The following TRIM72 variants were observed in gnomAD, a reference collection of about 807,000 sequenced individuals.
TRIM72 encodes tripartite motif-containing protein 72.
A neutral mutation model predicts 31.6 loss-of-function variants in TRIM72; 33 were observed. That is an observed-to-expected ratio of 1.04 (90% CI 0.79 to 1.40). The LOEUF (loss-of-function observed/expected upper bound fraction) is 1.40. Among genes scored for constraint, TRIM72 ranks in the 40% most tolerant of loss-of-function variants. The pLI, the probability that TRIM72 is intolerant of heterozygous loss-of-function variation, is 0.00. For missense variants in TRIM72, 666 were observed against 682.7 expected (o/e 0.98, Z 0.27); for synonymous variants, 301 against 314.4 (o/e 0.96, Z 0.45).
intron 4 of TRIM72, 86 bp from the exon 5 acceptor site, chr16:31,220,810 C>A (rs2079530134): frequency 6.5e-7 from 1 of 1,535,094 alleles, no homozygotes; most frequent in South Asian, 1.1e-5. Context: ...TTGCACTCAG[C>A]ATTCCTAGTT....
intron 6 of TRIM72, 89 bp downstream of exon 6, chr16:31,223,034 T>A: frequency 1.0e-6 from 1 of 961,508 alleles, no homozygotes; most frequent in African/African-American, 1.7e-5. Flanking sequence ...CAGTCCCAAC[T>A]GGGGAGGCCA....
At position 31,230,645 on chromosome 16, in the gene TRIM72, G is replaced by C. The variant is rs565348662; in HGVS notation, c.*5890G>C. 77 of 146,348 alleles carry C rather than the reference G, an allele frequency of 5.3e-4. 1 individual carries two copies. The highest frequency in any genetic ancestry group is 1.9e-3 in the African/African-American group (76 of 39,966). The allele number at this position is 146,348 out of a possible 1,614,324, so 9.1% of individuals were successfully genotyped here. ...GGAGGCTGAGGCAGGAGAATGGCCT[G>C]AACCCGGGAGGCGGAGCTTGCAGTG... On this transcript the variant is annotated 3_prime_UTR_variant, in exon 7 of 7. Coordinates refer to ENST00000322122, the MANE Select transcript of TRIM72 (RefSeq NM_001008274.4).
intron 4 of TRIM72, 140 bp from the exon 5 acceptor site, chr16:31,220,756 C>G: frequency 2.7e-6 from 3 of 1,128,174 alleles, no homozygotes; most frequent in Non-Finnish European, 4.0e-6. Flanking sequence ...CAGGCATGAG[C>G]CACCTCGTCT....
rs1193434653 is a variant in TRIM72, at chr16:31,224,770, A to T, written c.*15A>T. The T allele has an allele frequency of 1.9e-5, 28 of 1,454,820 alleles. No individual in the cohort carries two copies. The highest frequency in any genetic ancestry group is 2.3e-5 in the Non-Finnish European group (26 of 1,107,348). The allele number at this position is 1,454,820 out of a possible 1,614,324, so 90.1% of individuals were successfully genotyped here. On this transcript the variant is annotated 3_prime_UTR_variant, in exon 7 of 7. Coordinates refer to ENST00000322122, the MANE Select transcript of TRIM72 (RefSeq NM_001008274.4). ...CCGAGGCCTGAGCCGCCGGACGGGT[A>T]GTGGAGGGGCGCGGGGGCCTGGGTT...
At chr16:31,220,375 T>G (rs2079528006) in intron 4 of TRIM72, among the ~76,000 whole-genome samples, 1 of 151,528 alleles carries the variant, frequency 6.6e-6, no homozygotes. Context: ...AATCAGAGTT[T>G]CTTGGAGGCA....
chr16:31,226,026 A>G lies in TRIM72; in HGVS notation c.*1271A>G, dbSNP rs2079554333. 1 of 148,374 alleles carries G rather than the reference A, an allele frequency of 6.7e-6. No homozygotes were observed. The highest frequency in any genetic ancestry group is 1.5e-5 in the Non-Finnish European group (1 of 67,026). The allele number at this position is 148,374 out of a possible 1,614,324, so 9.2% of individuals were successfully genotyped here. A position where few individuals can be genotyped will look rare whatever the true frequency, so the allele number is the denominator to read the frequency against. Reference sequence around the variant, plus strand: ...GTTACATTGCCCAGGCTGATCTTGAACTCTTGGCCTCAGGTGATCCTCCTG... The same window carrying G: ...GTTACATTGCCCAGGCTGATCTTGAGCTCTTGGCCTCAGGTGATCCTCCTG... On this transcript the variant is annotated 3_prime_UTR_variant, in exon 7 of 7. Transcript: ENST00000322122.
intron 2 of TRIM72, chr16:31,217,225 G>A: frequency 3.3e-6 from 2 of 603,302 alleles, no homozygotes; most frequent in Non-Finnish European, 5.7e-6. Context: ...TCCCCTGGGA[G>A]AGTGGGGGCG....
Position 31,225,209 on chromosome 16 carries a change from G to C in TRIM72, c.*454G>C, listed in dbSNP as rs2079551442. ...CTGTCTCAAAAAAAAAAAAAAGTGT[G>C]GGGGTTGGCATGGCCTGGGGACTGC... On this transcript the variant is annotated 3_prime_UTR_variant, in exon 7 of 7. Transcript: ENST00000322122. The C allele has an allele frequency of 6.5e-6, 1 of 152,798 alleles. No homozygotes were observed. 9.5% of individuals were successfully genotyped at this position (152,798 alleles called of 1,614,324 possible). A position where few individuals can be genotyped will look rare whatever the true frequency, so the allele number is the denominator to read the frequency against.
In TRIM72 at chr16:31,215,165, T is replaced by C. The variant is rs771663933; in HGVS notation, c.390+37T>C. 13 of 1,427,096 alleles carry C rather than the reference T, an allele frequency of 9.1e-6. No homozygotes were observed. 88.4% of individuals were successfully genotyped at this position (1,427,096 alleles called of 1,614,324 possible). ...GCGCGCATCGTGGTCGGAGGGGCTG[T>C]TCGGTGGCACGGGGCCGATGGGGAG... On this transcript the variant is annotated intron_variant, in intron 2 of 6. Transcript: ENST00000322122. This position sits in a 1 kb window ranked among gnomAD's most constrained non-coding sequence, Gnocchi z 6.3.
chr16:31,223,294 C>T (rs1161382154), intron 6 of TRIM72, among the ~76,000 whole-genome samples: 1 of 152,172 alleles, frequency 6.6e-6, no homozygotes, highest in Non-Finnish European at 1.5e-5. Context: ...GACTGAGGCT[C>T]TGCAGAGCTC....
chr16:31,224,585 G>A lies in TRIM72; in HGVS notation c.1264G>A (p.Gly422Ser), dbSNP rs777875525. 3.2e-6 allele frequency: 5 copies of A among 1,554,282 alleles called. No individual in the cohort carries two copies. In the South Asian group the frequency reaches 5.8e-5, roughly 18 times the overall value. The change falls in exon 7 of 7, where the codon GGC (glycine) becomes AGC (serine). Residue 422 changes from glycine (G) to serine (S), a missense_variant. By Grantham distance (56) the Gly-to-Ser change is moderately conservative (BLOSUM62 0). Transcript: ENST00000322122. ...RIGLYLSFGD[G>S]VLSFYDASDA... Reference sequence around the variant, plus strand: ...TGGCCTTTACCTGAGCTTCGGCGACGGCGTCCTCTCCTTCTACGATGCCAG... The same window carrying A: ...TGGCCTTTACCTGAGCTTCGGCGACAGCGTCCTCTCCTTCTACGATGCCAG...
Position 31,227,112 on chromosome 16 carries a change from T to TTA in TRIM72, c.*2359_*2360dup, listed in dbSNP as rs1234755464. 6.6e-6 allele frequency: 1 copy of TTA among 152,150 alleles called. No homozygotes were observed. Among genetic ancestry groups the TTA allele is most frequent in the Non-Finnish European group, 1.5e-5 (1 of 68,014 alleles). 9.4% of individuals were successfully genotyped at this position (152,150 alleles called of 1,614,324 possible). ...AAAATAAAACAATATAGCTAAGGGA[T>TTA]TATTTGGTTGTAAAATCCAACACCA... On this transcript the variant is annotated 3_prime_UTR_variant, in exon 7 of 7. Transcript: ENST00000322122.
rs1874120130 is a variant in TRIM72, at chr16:31,225,963, T to A, written c.*1208T>A. On this transcript the variant is annotated 3_prime_UTR_variant, in exon 7 of 7. Transcript: ENST00000322122. ...TGCACCTGGCTGAAAATGCTCATTT[T>A]TTTTTTTTTAATTTAGTTTTTGTAG... 6.6e-6 allele frequency: 1 copy of A among 151,996 alleles called. No homozygotes were observed. Among genetic ancestry groups the A allele is most frequent in the Non-Finnish European group, 1.5e-5 (1 of 68,028 alleles). 9.4% of individuals were successfully genotyped at this position (151,996 alleles called of 1,614,324 possible).
rs1899693520 is a variant in TRIM72, at chr16:31,228,991, G to C, written c.*4236G>C. The stretch of plus-strand genomic sequence containing the variant: ...TCTTGACCTTCTAGGCCTCCAGGAA[G>C]AATCAGTTACTCTCCTCTCTGGATC... On this transcript the variant is annotated 3_prime_UTR_variant, in exon 7 of 7. Coordinates refer to ENST00000322122, the MANE Select transcript of TRIM72 (RefSeq NM_001008274.4). The C allele has an allele frequency of 6.6e-6, 1 of 152,530 alleles. No individual in the cohort carries two copies. The highest frequency in any genetic ancestry group is 1.5e-5 in the Non-Finnish European group (1 of 68,236). The allele number at this position is 152,530 out of a possible 1,614,324, so 9.4% of individuals were successfully genotyped here. A position where few individuals can be genotyped will look rare whatever the true frequency, so the allele number is the denominator to read the frequency against.
At position 31,214,826 on chromosome 16, in the gene TRIM72, G is replaced by A; in HGVS notation, c.88G>A (p.Gly30Ser). 1.9e-6 allele frequency: 3 copies of A among 1,562,678 alleles called. No homozygotes were observed. Among genetic ancestry groups the A allele is most frequent in the East Asian group, 2.4e-5 (1 of 41,544 alleles). The change falls in exon 2 of 7, where the codon GGC becomes AGC. Residue 30 changes from glycine to serine, a missense_variant. Physicochemically the swap from Gly to Ser is moderately conservative, Grantham distance 56. Transcript: ENST00000322122. Reference sequence around the variant, plus strand: ...CGACGCGCCCGTGACAGCCGAGTGCGGCCACAGTTTCTGCCGCGCCTGCCT... The same window carrying A: ...CGACGCGCCCGTGACAGCCGAGTGCAGCCACAGTTTCTGCCGCGCCTGCCT... ...LFDAPVTAEC[G>S]HSFCRACLGR...
At chr16:31,223,130 T>C (rs1441286367) in intron 6 of TRIM72, among the ~76,000 whole-genome samples, 185 bp downstream of exon 6, 1 of 152,064 alleles carries the variant, frequency 6.6e-6, no homozygotes, top group Non-Finnish European at 1.5e-5. Flanking sequence ...TTTGAGAGCA[T>C]GGGGTTTGCA....
rs1202658958 is a variant in TRIM72 at position 31,219,126 on chromosome 16, A to G, written c.422A>G (p.Gln141Arg). The G allele has an allele frequency of 1.3e-6, 2 of 1,594,920 alleles. No individual in the cohort carries two copies. The highest frequency in any genetic ancestry group is 2.3e-5 in the South Asian group (2 of 88,864). ...TQLPQQKLQL[Q>R]EACMRKEKSV... ...CTGCCACAGCAGAAACTGCAGCTGC[A>G]GGAGGCATGCATGCGCAAGGAGAAG... The change falls in exon 3 of 7, where the codon CAG (glutamine) becomes CGG (arginine). Residue 141 changes from glutamine (Q) to arginine (R), a missense_variant. Gln to Arg is a conservative substitution (Grantham distance 43). Transcript: ENST00000322122. The surrounding 1 kb of genome is among the most constrained non-coding windows in gnomAD (Gnocchi z 4.2).
In TRIM72 at chr16:31,220,930, C is replaced by G. The variant is rs373072852; in HGVS notation, c.740+12C>G. ...CTGGTGACCAGCAGGTGAGAGCAAC[C>G]TGGCCCTGTCCCTTTGCCCGACTTG... On this transcript the variant is annotated intron_variant, in intron 5 of 6. Coordinates refer to ENST00000322122, the MANE Select transcript of TRIM72 (RefSeq NM_001008274.4). 9.9e-6 allele frequency: 16 copies of G among 1,614,070 alleles called. No individual in the cohort carries two copies. Among genetic ancestry groups the G allele is most frequent in the Non-Finnish European group, 1.4e-5 (16 of 1,180,036 alleles).
chr16:31,219,055 G>T lies in TRIM72; in HGVS notation c.391-40G>T. On this transcript the variant is annotated intron_variant, in intron 2 of 6. Coordinates refer to ENST00000322122, the MANE Select transcript of TRIM72 (RefSeq NM_001008274.4). This position sits in a 1 kb window ranked among gnomAD's most constrained non-coding sequence, Gnocchi z 4.2. ...AGGATGGGAGGTGTGGGTTTTGGGT[G>T]GGTGGCATCCCCATCACTTCTCCAT... is the stretch of plus-strand genomic sequence containing the variant. 2 of 1,536,546 alleles carry T rather than the reference G, an allele frequency of 1.3e-6. No homozygotes were observed. Among genetic ancestry groups the T allele is most frequent in the Non-Finnish European group, 1.8e-6 (2 of 1,135,860 alleles).
Sources: allele counts gnomAD v4.1 joint callset (sites outside exome capture counted in the v4.1 genomes callset), GRCh38; gene constraint gnomAD v4.1.1; non-coding constraint Gnocchi (gnomAD v3.1); transcripts MANE v1.5; gene names NCBI Gene and HGNC (gene_info 2026-07-23, HGNC 2026-07-21).